PPM1B: variants seen among roughly 807,000 people sequenced by gnomAD.
PPM1B encodes the protein protein phosphatase, Mg2+/Mn2+ dependent 1B, also known as protein phosphatase 1B.
PPM1B carries 22 observed loss-of-function variants against 43.0 expected under a neutral mutation model. That is an observed-to-expected ratio of 0.51 (90% CI 0.37 to 0.73). PPM1B has a LOEUF of 0.73. PPM1B is among the 30% of genes least tolerant of loss of function. PPM1B has a pLI of 0.00. For missense variants in PPM1B, 632 were observed against 584.2 expected (o/e 1.08, Z -0.84); for synonymous variants, 217 against 197.9 (o/e 1.10, Z -0.81).
At chr2:44,217,257 G>A (rs1669763766) in intron 3 of PPM1B, among the ~76,000 whole-genome samples, 1 of 151,914 alleles carries the variant, frequency 6.6e-6, no homozygotes, top group Non-Finnish European at 1.5e-5. Context: ...AAATTAGCCA[G>A]GCATGGTAGC....
At chr2:44,210,101 G>C (rs563075756) in intron 3 of PPM1B, among the ~76,000 whole-genome samples, 173 of 151,822 alleles carry the variant, frequency 1.1e-3, no homozygotes, top group African/African-American at 4.0e-3. Flanking sequence ...CTCCCTTTTC[G>C]GGTTAATTAT....
intron 1 of PPM1B, among the ~76,000 whole-genome samples, chr2:44,196,366 G>A (rs1218494487): frequency 6.6e-6 from 1 of 152,056 alleles, no homozygotes; most frequent in Non-Finnish European, 1.5e-5. Context: ...ATTAGACTGG[G>A]GTTATTATGG....
At chr2:44,210,339 C>T (rs115188526) in intron 3 of PPM1B, among the ~76,000 whole-genome samples, 1 of 151,666 alleles carries the variant, frequency 6.6e-6, no homozygotes, top group Admixed American at 6.6e-5. Flanking sequence ...ACCTCAGCCT[C>T]TCCCAAGTAG....
At chr2:44,238,983 G>C (rs991464070), downstream of PPM1B, among the ~76,000 whole-genome samples, 1 of 151,770 alleles carries the variant, frequency 6.6e-6, no homozygotes, top group African/African-American at 2.4e-5. Context: ...GGGGAGAGGA[G>C]GGAGAGGGAG....
intron 1 of PPM1B, among the ~76,000 whole-genome samples, chr2:44,185,420 G>A (rs1406601734): frequency 1.3e-5 from 2 of 152,164 alleles, no homozygotes; most frequent in African/African-American, 4.8e-5. Flanking sequence ...TATGTATTCA[G>A]TGTGATAGAT....
chr2:44,213,035 T>G (rs1020122151), intron 3 of PPM1B, among the ~76,000 whole-genome samples: 2 of 147,616 alleles, frequency 1.4e-5, no homozygotes, highest in African/African-American at 5.0e-5. Context: ...AAAAAAAAAT[T>G]CCATTTAGTA....
downstream of PPM1B, chr2:44,234,669 A>T (rs183558395): frequency 6.1e-6 from 6 of 975,722 alleles, no homozygotes; most frequent in Admixed American, 3.7e-4. Context: ...GCTATTCTCA[A>T]GTATTTTGGT....
intron 1 of PPM1B, among the ~76,000 whole-genome samples, chr2:44,197,557 C>T (rs143119611): frequency 2.1e-3 from 314 of 152,314 alleles, no homozygotes; most frequent in African/African-American, 7.3e-3. Context: ...GTGTCAGTAT[C>T]CAGTCAGGGA....
downstream of PPM1B, among the ~76,000 whole-genome samples, chr2:44,236,426 A>AAAAAAAAAAAAAAAAAAAAAAAAAAAAAC (rs1670615742): frequency 6.7e-6 from 1 of 149,124 alleles, no homozygotes; most frequent in Admixed American, 6.7e-5. Context: ...AAAAAAAAAA[A>AAAAAAAAAAAAAAAAAAAAAAAAAAAAAC]AGTTGTAATG....
At chr2:44,203,706 C>A (rs746081454) in intron 2 of PPM1B, among the ~76,000 whole-genome samples, 1 of 152,008 alleles carries the variant, frequency 6.6e-6, no homozygotes, top group Admixed American at 6.6e-5. Flanking sequence ...AGAGAGATCT[C>A]CATGCCTATA....
chr2:44,194,782 GT>G (rs1668579474), intron 1 of PPM1B, among the ~76,000 whole-genome samples: 1 of 151,880 alleles, frequency 6.6e-6, no homozygotes, highest in Non-Finnish European at 1.5e-5. Context: ...CAAATTTATA[GT>G]TTATATCACT....
In PPM1B at chr2:44,201,458, G is replaced by A. The variant is rs769960775; in HGVS notation, c.259G>A (p.Ala87Thr). Reference protein sequence around the residue: ...EHITTNEDFRAAGKSGSALEL... With the variant: ...EHITTNEDFRTAGKSGSALEL... ...CATCACTACTAACGAAGACTTTAGG[G>A]CAGCTGGAAAATCAGGATCTGCTCT... The change falls in exon 2 of 6, where the codon GCA becomes ACA. Residue 87 changes from alanine to threonine, a missense_variant. Coordinates refer to ENST00000282412, the MANE Select transcript of PPM1B (RefSeq NM_002706.6). The surrounding 1 kb of genome is among the most constrained non-coding windows in gnomAD (Gnocchi z 5.4). 6.2e-7 allele frequency: 1 copy of A among 1,614,200 alleles called. No individual in the cohort carries two copies. The highest frequency in any genetic ancestry group is 1.1e-5 in the South Asian group (1 of 91,090).
At chr2:44,222,567 TAC>T (rs1225038448) in intron 5 of PPM1B, among the ~76,000 whole-genome samples, 1 of 152,168 alleles carries the variant, frequency 6.6e-6, no homozygotes, top group Non-Finnish European at 1.5e-5. Context: ...CCCTTATTTA[TAC>T]ACACACAGAG....
chr2:44,177,933 T>C (rs1334982430), intron 1 of PPM1B, among the ~76,000 whole-genome samples: 1 of 150,800 alleles, frequency 6.6e-6, no homozygotes, highest in Non-Finnish European at 1.5e-5. Flanking sequence ...TTTTTTTTTT[T>C]TAATAAGACA....
chr2:44,241,190 T>G (rs1167988769), intron 5 of PPM1B, among the ~76,000 whole-genome samples: 2 of 141,864 alleles, frequency 1.4e-5, no homozygotes, highest in East Asian at 4.4e-4. Flanking sequence ...TTCAGTAGGG[T>G]GGGGGTTTCT....
chr2:44,233,036 A>G, downstream of PPM1B: 1 of 983,352 alleles, frequency 1.0e-6, no homozygotes, highest in Non-Finnish European at 1.2e-6. Flanking sequence ...ATCTTTTGAA[A>G]CCAAATGGAT....
At chr2:44,181,671 G>C (rs1013839124) in intron 1 of PPM1B, among the ~76,000 whole-genome samples, 1 of 152,178 alleles carries the variant, frequency 6.6e-6, no homozygotes, top group Non-Finnish European at 1.5e-5. Flanking sequence ...TAATACTAGA[G>C]GAATGCTGTT....
chr2:44,208,119 A>G (rs1200458761), intron 2 of PPM1B, among the ~76,000 whole-genome samples: 1 of 150,346 alleles, frequency 6.7e-6, no homozygotes, highest in Middle Eastern at 3.8e-3. Flanking sequence ...TGAACCCCTC[A>G]CCTTGTGATC....
chr2:44,212,782 G>A (rs1000176631), intron 3 of PPM1B, among the ~76,000 whole-genome samples: 2 of 151,988 alleles, frequency 1.3e-5, no homozygotes, highest in Admixed American at 6.6e-5. Context: ...AGACCGAGGC[G>A]GGCAGATCAC....
Sources: allele counts gnomAD v4.1 joint callset (sites outside exome capture counted in the v4.1 genomes callset), GRCh38; gene constraint gnomAD v4.1.1; non-coding constraint Gnocchi (gnomAD v3.1); transcripts MANE v1.5; gene names NCBI Gene and HGNC (gene_info 2026-07-23, HGNC 2026-07-21).